The following ADAMTSL1 variants were observed in gnomAD, a reference collection of about 807,000 sequenced individuals.
ADAMTSL1 encodes the protein ADAMTS-like protein 1.
ADAMTSL1 carries 126 observed loss-of-function variants against 201.8 expected under a neutral mutation model. That is an observed-to-expected ratio of 0.62 (90% confidence interval 0.54 to 0.72). The LOEUF is 0.72. Ranked by LOEUF, ADAMTSL1 falls within the 30% of genes least tolerant of loss-of-function variation. The pLI is 0.00. For synonymous variants in ADAMTSL1, 1,121 were observed against 903.4 expected (o/e 1.24, Z -4.32); for missense variants, 2,679 against 2,277.8 (o/e 1.18, Z -3.59).
At chr9:18,702,293 A>AGAGG (rs1489253964) in intron 13 of ADAMTSL1, among the ~76,000 whole-genome samples, 2 of 152,238 alleles carry the variant, frequency 1.3e-5, no homozygotes, top group African/African-American at 4.8e-5. Context: ...ATGTAGACAT[A>AGAGG]CACCTAGAGG....
At position 18,685,043 on chromosome 9, in the gene ADAMTSL1, T is replaced by A. The variant is rs930284212; in HGVS notation, c.1574+243T>A. The A allele has an allele frequency of 1.7e-5, 19 of 1,140,138 alleles. No homozygotes were observed. The African/African-American group carries it at 3.0e-4, about 18-fold the overall frequency. The allele number at this position is 1,140,138 out of a possible 1,614,324, so 70.6% of individuals were successfully genotyped here. On this transcript the variant is annotated intron_variant, in intron 13 of 28. Transcript: ENST00000380548. ...TGAAGGTGTAGTGCTTACCCTCTTC[T>A]CCAAAATCTGACCTCCTCTCTTCTC...
At chr9:18,343,961 G>A (rs947771550) in intron 2 of ADAMTSL1, among the ~76,000 whole-genome samples, 20 of 152,118 alleles carry the variant, frequency 1.3e-4, no homozygotes, top group African/African-American at 4.3e-4. Flanking sequence ...AGGCCCAGGA[G>A]AATGTCTCTT....
At chr9:18,894,473 G>A (rs926598469) in intron 26 of ADAMTSL1, among the ~76,000 whole-genome samples, 2 of 151,878 alleles carry the variant, frequency 1.3e-5, no homozygotes, top group African/African-American at 4.8e-5. Context: ...AAGGTATTGA[G>A]CAGTACCAAT....
intron 2 of ADAMTSL1, among the ~76,000 whole-genome samples, chr9:18,388,090 T>C (rs974139137): frequency 6.6e-6 from 1 of 152,184 alleles, no homozygotes; most frequent in African/African-American, 2.4e-5. Context: ...TTATTTTGGA[T>C]AATATTCATC....
At chr9:18,825,413 G>A (rs1466725074) in intron 21 of ADAMTSL1, among the ~76,000 whole-genome samples, 1 of 152,120 alleles carries the variant, frequency 6.6e-6, no homozygotes, top group African/African-American at 2.4e-5. Context: ...TCCTTTTCCT[G>A]TGGTTCTACT....
At chr9:18,790,140 C>A (rs932072835) in intron 19 of ADAMTSL1, among the ~76,000 whole-genome samples, 2 of 152,034 alleles carry the variant, frequency 1.3e-5, no homozygotes, top group African/African-American at 2.4e-5. Flanking sequence ...AAACTGAGAC[C>A]TTTTTACTTG....
intron 3 of ADAMTSL1, among the ~76,000 whole-genome samples, chr9:18,552,459 G>T (rs957855323): frequency 6.6e-6 from 1 of 151,648 alleles, no homozygotes; most frequent in African/African-American, 2.4e-5. Context: ...CATTTCTTTG[G>T]AATTTGTTGA....
chr9:18,537,358 C>G (rs1451927286), intron 3 of ADAMTSL1, among the ~76,000 whole-genome samples: 1 of 152,132 alleles, frequency 6.6e-6, no homozygotes, highest in African/African-American at 2.4e-5. Context: ...TATGTGAATA[C>G]TTAAGGAGTA....
At chr9:18,857,239 A>G (rs10963808) in intron 23 of ADAMTSL1, among the ~76,000 whole-genome samples, 27,415 of 152,192 alleles carry the variant, frequency 0.18, 5,589 homozygotes, top group African/African-American at 0.5. Flanking sequence ...TGCTGACATA[A>G]TACCTCATTG....
At chr9:18,841,057 G>A (rs1180494065) in intron 23 of ADAMTSL1, among the ~76,000 whole-genome samples, 1 of 148,226 alleles carries the variant, frequency 6.7e-6, no homozygotes, top group African/African-American at 2.5e-5. Context: ...GCCCTGGCCA[G>A]AACTTCCAAC....
At chr9:17,938,783 A>AT (rs1429874538) in intron 1 of ADAMTSL1, among the ~76,000 whole-genome samples, 1 of 152,062 alleles carries the variant, frequency 6.6e-6, no homozygotes, top group African/African-American at 2.4e-5. Context: ...CCAAGAGCAC[A>AT]TTTTTCCTAA....
intron 2 of ADAMTSL1, among the ~76,000 whole-genome samples, chr9:18,463,796 A>AT (rs1820897297): frequency 6.6e-6 from 1 of 152,180 alleles, no homozygotes; most frequent in African/African-American, 2.4e-5. Context: ...CTATTGTATT[A>AT]ATATATAACA....
intron 20 of ADAMTSL1, among the ~76,000 whole-genome samples, chr9:18,814,255 T>C (rs554884397): frequency 6.6e-6 from 1 of 152,354 alleles, no homozygotes; most frequent in East Asian, 1.9e-4. Flanking sequence ...TGGTGAACAA[T>C]CTTTTTAATG....
intron 2 of ADAMTSL1, among the ~76,000 whole-genome samples, chr9:18,514,984 G>A (rs780399257): frequency 2.2e-4 from 34 of 152,166 alleles, no homozygotes; most frequent in Non-Finnish European, 4.0e-4. Context: ...CATGAAAGAT[G>A]TTAAATTTTG....
chr9:18,330,627 T>C (rs532203795), intron 2 of ADAMTSL1, among the ~76,000 whole-genome samples: 1 of 152,304 alleles, frequency 6.6e-6, no homozygotes, highest in Admixed American at 6.5e-5. Flanking sequence ...CTTATTTCCA[T>C]TTTATAGACA....
intron 1 of ADAMTSL1, among the ~76,000 whole-genome samples, chr9:17,955,994 C>G (rs1827914861): frequency 6.6e-6 from 1 of 151,922 alleles, no homozygotes; most frequent in East Asian, 1.9e-4. Context: ...TGAAAGCTTT[C>G]AAAGCAAAAA....
chr9:18,264,852 C>T (rs988583503), intron 2 of ADAMTSL1, among the ~76,000 whole-genome samples: 4 of 152,176 alleles, frequency 2.6e-5, no homozygotes, highest in Non-Finnish European at 4.4e-5. Context: ...GACTTAAGTT[C>T]TGGCTTCACC....
chr9:18,446,966 T>C (rs1016476880), intron 2 of ADAMTSL1, among the ~76,000 whole-genome samples: 1 of 148,960 alleles, frequency 6.7e-6, no homozygotes, highest in African/African-American at 2.6e-5. Flanking sequence ...CAAATTAACA[T>C]GAACATTTTT....
intron 2 of ADAMTSL1, among the ~76,000 whole-genome samples, chr9:18,261,236 A>C (rs753990417): frequency 3.3e-5 from 5 of 152,054 alleles, no homozygotes; most frequent in African/African-American, 4.8e-5. Flanking sequence ...CTTTGGGAAA[A>C]TAGACTTGTG....
Sources: gnomAD v4.1 joint callset for allele counts (sites outside exome capture counted in the v4.1 genomes callset) on GRCh38, gnomAD v4.1.1 for gene constraint, MANE v1.5 for transcripts, NCBI Gene and HGNC (gene_info 2026-07-23, HGNC 2026-07-21) for gene names.